The following PLEKHA6 variants were observed in gnomAD, a reference collection of about 807,000 sequenced individuals.
PLEKHA6 encodes the protein pleckstrin homology domain containing A6, also known as pleckstrin homology domain-containing family A member 6.
In PLEKHA6, 60 loss-of-function variants were observed where a neutral mutation model predicts 116.7. The observed-to-expected ratio is 0.51, with a 90% confidence interval of 0.42 to 0.64. The LOEUF (loss-of-function observed/expected upper bound fraction) is 0.64. Ranked by LOEUF, PLEKHA6 falls within the 30% of genes least tolerant of loss-of-function variation. The pLI is 0.00. For missense variants in PLEKHA6, 1,338 were observed against 1,422.7 expected (o/e 0.94, Z 0.96); for synonymous variants, 489 against 556.1 (o/e 0.88, Z 1.70).
In PLEKHA6 at chr1:204,247,389, C is replaced by T; in HGVS notation, c.1896G>A (p.Trp632Ter). 2 of 1,612,830 alleles carry T rather than the reference C, an allele frequency of 1.2e-6. No individual in the cohort carries two copies. The highest frequency in any genetic ancestry group is 1.7e-6 in the Non-Finnish European group (2 of 1,178,950). ...SEVSALHDDLWEQLNLDTQNE... is the reference protein window; with the variant it reads ...SEVSALHDDL ...CCTGGGTGTCCAAATTGAGCTGCTC[C>T]CAGAGGTCATCGTGCAGGGCAGAGA... is the stretch of plus-strand genomic sequence containing the variant. The change falls in exon 13 of 23, where the codon TGG (tryptophan) becomes TGA (stop). Residue 632 changes from tryptophan (W) to a stop codon, truncating the protein, a stop_gained. Transcript: ENST00000272203. LOFTEE classifies it high-confidence loss of function.
At position 204,223,437 on chromosome 1, in the gene PLEKHA6, T is replaced by C. The variant is rs1230831860; in HGVS notation, c.*8+25A>G. On this transcript the variant is annotated intron_variant, in intron 22 of 22. Transcript: ENST00000272203. The surrounding 1 kb of genome is among the most constrained non-coding windows in gnomAD (Gnocchi z 4.8). ...GAAGGGGCCCCACTCCCGAGGTGGATGAAATACAGTAGAAAAGTGCTTACG... is the reference window on the plus strand; with the variant it reads ...GAAGGGGCCCCACTCCCGAGGTGGACGAAATACAGTAGAAAAGTGCTTACG... 4 of 1,298,398 alleles carry C rather than the reference T, an allele frequency of 3.1e-6. No individual in the cohort carries two copies. The South Asian group carries it at 5.1e-5, about 16-fold the overall frequency. The allele number at this position is 1,298,398 out of a possible 1,614,324, so 80.4% of individuals were successfully genotyped here. A position where few individuals can be genotyped will look rare whatever the true frequency, so the allele number is the denominator to read the frequency against.
intron 1 of PLEKHA6, among the ~76,000 whole-genome samples, chr1:204,322,588 C>T (rs1672102551): frequency 6.6e-6 from 1 of 152,254 alleles, no homozygotes; most frequent in South Asian, 2.1e-4. Flanking sequence ...CAGTCCCAGG[C>T]CCCCATAGCT....
At chr1:204,287,115 G>A (rs1669275606) in intron 1 of PLEKHA6, among the ~76,000 whole-genome samples, 1 of 152,114 alleles carries the variant, frequency 6.6e-6, no homozygotes, top group African/African-American at 2.4e-5. Context: ...GTTCAACCTA[G>A]CATCACTATG....
Position 204,229,026 on chromosome 1 carries a change from G to A in PLEKHA6, c.2662C>T (p.His888Tyr). ...TCCTCCCGGGGTGTCTCGTAGGCAT[G>A]CCCGCCAGGCTCCTCTGCCCGCAGG... ...AALRAEEPGG[H>Y]AYETPREEIA... The change falls in exon 19 of 23, where the codon CAT becomes TAT. Residue 888 changes from histidine to tyrosine, a missense_variant. This residue lies in a region of PLEKHA6 where 1,136 missense variants were observed against 1,163.6 expected (regional missense o/e 0.98). Transcript: ENST00000272203. 6.2e-7 allele frequency: 1 copy of A among 1,614,126 alleles called. No individual in the cohort carries two copies. The highest frequency in any genetic ancestry group is 8.5e-7 in the Non-Finnish European group (1 of 1,179,984).
Position 204,238,452 on chromosome 1 carries a change from A to C in PLEKHA6, c.2409+2923T>G, listed in dbSNP as rs950825194. Reference sequence around the variant, plus strand: ...TTTGGTGGAAACTGAACGTTTGACTATGGGTCACCAAGTCACCATGCGACC... The same window carrying C: ...TTTGGTGGAAACTGAACGTTTGACTCTGGGTCACCAAGTCACCATGCGACC... On this transcript the variant is annotated intron_variant, in intron 17 of 22. Coordinates refer to ENST00000272203, the MANE Select transcript of PLEKHA6 (RefSeq NM_014935.5). The surrounding 1 kb of genome is among the most constrained non-coding windows in gnomAD (Gnocchi z 4.2). 3.9e-5 allele frequency among the ~76,000 whole-genome samples: 6 copies of C among 152,174 alleles called. No individual in the cohort carries two copies. Among genetic ancestry groups the C allele is most frequent in the African/African-American group, 1.4e-4 (6 of 41,450 alleles).
intron 1 of PLEKHA6, among the ~76,000 whole-genome samples, chr1:204,349,869 C>T (rs4951068): frequency 0.68 from 103,405 of 152,086 alleles, 35,421 homozygotes; most frequent in East Asian, 0.82. Flanking sequence ...TCTGTGAGTG[C>T]GAAAGCAAGT....
intron 1 of PLEKHA6, chr1:204,298,084 T>C (rs1273697964): frequency 1.2e-5 from 2 of 161,876 alleles, no homozygotes; most frequent in Non-Finnish European, 2.6e-5. Flanking sequence ...TAGTCAGACA[T>C]GTGTCTCTTC....
At chr1:204,338,605 C>T (rs898324721) in intron 1 of PLEKHA6, among the ~76,000 whole-genome samples, 2 of 152,158 alleles carry the variant, frequency 1.3e-5, no homozygotes, top group Non-Finnish European at 2.9e-5. Flanking sequence ...GAGTTTACAA[C>T]CTAGCAAGCC....
At chr1:204,286,664 C>A (rs1003033434) in intron 1 of PLEKHA6, among the ~76,000 whole-genome samples, 2 of 152,184 alleles carry the variant, frequency 1.3e-5, no homozygotes, top group Non-Finnish European at 1.5e-5. Context: ...TTAAACCAAG[C>A]ATGTGGGGCA....
chr1:204,301,397 A>G, intron 1 of PLEKHA6: 1 of 984,580 alleles, frequency 1.0e-6, no homozygotes, highest in Non-Finnish European at 1.2e-6. Flanking sequence ...AGCCTACAGC[A>G]ATCTGCTGCA....
chr1:204,317,476 C>A (rs572239662), intron 1 of PLEKHA6, among the ~76,000 whole-genome samples: 1 of 152,320 alleles, frequency 6.6e-6, no homozygotes, highest in Non-Finnish European at 1.5e-5. Context: ...TTCTTTAGAA[C>A]CTCACATCTA....
At chr1:204,323,443 T>TGAC (rs1435051535) in intron 1 of PLEKHA6, among the ~76,000 whole-genome samples, 2 of 152,246 alleles carry the variant, frequency 1.3e-5, no homozygotes, top group Non-Finnish European at 2.9e-5. Flanking sequence ...TCAGGTCCTC[T>TGAC]GACTCCCAAG....
chr1:204,356,870 C>T (rs1319697616), intron 1 of PLEKHA6, among the ~76,000 whole-genome samples: 1 of 152,106 alleles, frequency 6.6e-6, no homozygotes, highest in Non-Finnish European at 1.5e-5. Context: ...TTAATGTACA[C>T]CCTTCATCAC....
At position 204,332,874 on chromosome 1, in the gene PLEKHA6, T is replaced by C. The variant is rs752363686; in HGVS notation, c.-95+26820A>G. ...CAGTTATAAAGTCACTGTGATTCTT[T>C]CCCTCAGCCTGCACTTCCAGAAAGA... On this transcript the variant is annotated intron_variant, in intron 1 of 22. Coordinates refer to ENST00000272203, the MANE Select transcript of PLEKHA6 (RefSeq NM_014935.5). Among the ~76,000 whole-genome samples, 5 of 152,198 alleles carry C rather than the reference T, an allele frequency of 3.3e-5. No homozygotes were observed. The South Asian group carries it at 1.0e-3, about 31-fold the overall frequency.
rs975392513 is a variant in PLEKHA6, at chr1:204,373,444, T to C, written c.84-1838A>G. On this transcript the variant is annotated intron_variant, in intron 1 of 4. Transcript: ENST00000564627. ...TATGTTGCCCAGGTTGGTTACAAAC[T>C]CCTGACCTCAAGTGATCCTCCTGCC... 2.6e-5 allele frequency among the ~76,000 whole-genome samples: 4 copies of C among 152,252 alleles called. No homozygotes were observed. The South Asian group carries it at 8.3e-4, about 32-fold the overall frequency.
At chr1:204,247,785 C>T (rs1281382325) in intron 12 of PLEKHA6, among the ~76,000 whole-genome samples, 1 of 152,052 alleles carries the variant, frequency 6.6e-6, no homozygotes, top group African/African-American at 2.4e-5. Flanking sequence ...GACAAGACCC[C>T]ATCTCTACAA....
At chr1:204,350,258 C>A (rs1673231549) in intron 1 of PLEKHA6, among the ~76,000 whole-genome samples, 1 of 152,170 alleles carries the variant, frequency 6.6e-6, no homozygotes, top group South Asian at 2.1e-4. Context: ...GAGGTCAAGG[C>A]TGCAATGAGC....
At chr1:204,230,381 C>G (rs1302236529) in intron 18 of PLEKHA6, 32 bp downstream of exon 18, 1 of 1,525,072 alleles carries the variant, frequency 6.6e-7, no homozygotes, top group South Asian at 1.3e-5. Flanking sequence ...AGATGCCAGG[C>G]TCACGCCTGT....
intron 1 of PLEKHA6, among the ~76,000 whole-genome samples, chr1:204,310,976 G>A (rs1671637079): frequency 6.6e-6 from 1 of 152,214 alleles, no homozygotes. Context: ...TTAGCCTAGA[G>A]TTAGGGAAAC....
Sources: allele counts gnomAD v4.1 joint callset (sites outside exome capture counted in the v4.1 genomes callset), GRCh38; gene constraint gnomAD v4.1.1; regional missense constraint gnomAD v4.1.1; non-coding constraint Gnocchi (gnomAD v3.1); transcripts MANE v1.5; gene names NCBI Gene and HGNC (gene_info 2026-07-23, HGNC 2026-07-21).